The following COPZ1 variants were observed in gnomAD, a reference collection of about 807,000 sequenced individuals.
COPZ1 encodes coat protein complex I subunit zeta 1.
In COPZ1, 4 loss-of-function variants were observed where a neutral mutation model predicts 31.7. That is an observed-to-expected ratio of 0.13 (90% confidence interval 0.06 to 0.29). The LOEUF is 0.29. COPZ1 is among the 10% of genes least tolerant of loss of function. COPZ1 has a pLI of 1.00. For missense variants in COPZ1, 156 were observed against 211.5 expected, an observed-to-expected ratio of 0.74 and a Z score of 1.63; for synonymous variants, 74 against 79.0, an observed-to-expected ratio of 0.94 and a Z score of 0.33.
At chr12:54,333,645 C>T (rs1463241168) in intron 1 of COPZ1, among the ~76,000 whole-genome samples, 1 of 152,070 alleles carries the variant, frequency 6.6e-6, no homozygotes, top group Non-Finnish European at 1.5e-5. Flanking sequence ...TCAGGTCCAG[C>T]CTGGGCAACA....
At chr12:54,337,043 A>T (rs918405335) in intron 1 of COPZ1, among the ~76,000 whole-genome samples, 2 of 143,810 alleles carry the variant, frequency 1.4e-5, no homozygotes, top group African/African-American at 5.0e-5. Context: ...AAAAAAAAAA[A>T]AGAAGCCCCT....
chr12:54,326,391 C>G (rs528993617), intron 1 of COPZ1, among the ~76,000 whole-genome samples: 71 of 148,682 alleles, frequency 4.8e-4, no homozygotes, highest in African/African-American at 1.8e-3. Flanking sequence ...CCACCCGCCT[C>G]GGCCTCCCAA....
At chr12:54,335,472 G>A (rs1002118569) in intron 1 of COPZ1, among the ~76,000 whole-genome samples, 1 of 150,504 alleles carries the variant, frequency 6.6e-6, no homozygotes, top group Non-Finnish European at 1.5e-5. Context: ...GCAGTGGTGC[G>A]ATCTCAGCTC....
At chr12:54,326,315 AT>A (rs759214724) in intron 1 of COPZ1, among the ~76,000 whole-genome samples, 1 of 138,042 alleles carries the variant, frequency 7.2e-6, no homozygotes, top group African/African-American at 2.7e-5. Context: ...AATTTTTTGT[AT>A]TTTTTAGTAG....
chr12:54,342,605 G>A (rs1408169724), intron 3 of COPZ1: 15 of 330,060 alleles, frequency 4.5e-5, no homozygotes, highest in African/African-American at 6.4e-5. Context: ...AAAGGTGACC[G>A]CTCTGCATTT....
At chr12:54,343,470 A>G (rs1421366765) in intron 4 of COPZ1, among the ~76,000 whole-genome samples, 154 bp downstream of exon 4, 1 of 152,202 alleles carries the variant, frequency 6.6e-6, no homozygotes, top group Non-Finnish European at 1.5e-5. Flanking sequence ...CCTCACAAAC[A>G]TGGCCCGGCA....
chr12:54,350,182 C>G, intron 8 of COPZ1: 1 of 684,684 alleles, frequency 1.5e-6, no homozygotes, highest in Non-Finnish European at 2.6e-6. Flanking sequence ...GTTACCCGCC[C>G]CCTGCCCGCC....
chr12:54,335,308 A>G (rs1242724411), intron 1 of COPZ1, among the ~76,000 whole-genome samples: 1 of 152,092 alleles, frequency 6.6e-6, no homozygotes, highest in Non-Finnish European at 1.5e-5. Flanking sequence ...CTTTATAAAC[A>G]GGATTGAGAC....
At chr12:54,326,640 G>GGTGTGTGTGTGTGT (rs71070816) in intron 1 of COPZ1, among the ~76,000 whole-genome samples, 17 of 134,590 alleles carry the variant, frequency 1.3e-4, no homozygotes, top group African/African-American at 3.5e-4. Context: ...GATTTGGAGG[G>GGTGTGTGTGTGTGT]GTGTGTGTGT....
At chr12:54,335,940 A>C (rs1953856227) in intron 1 of COPZ1, among the ~76,000 whole-genome samples, 1 of 152,118 alleles carries the variant, frequency 6.6e-6, no homozygotes, top group African/African-American at 2.4e-5. Context: ...AGCTTCCAAA[A>C]GTGCTAGGAT....
chr12:54,341,595 G>C (rs1477623174), intron 2 of COPZ1, among the ~76,000 whole-genome samples: 3 of 152,318 alleles, frequency 2.0e-5, no homozygotes, highest in Admixed American at 2.0e-4. Context: ...GACTGCGACG[G>C]ATTAGCCCCT....
chr12:54,350,141 G>A (rs1486864822), intron 8 of COPZ1: 1 of 651,904 alleles, frequency 1.5e-6, no homozygotes, highest in African/African-American at 1.8e-5. Context: ...CTACCCACTT[G>A]GAATTCTCAC....
rs748509765 is a variant in COPZ1, at chr12:54,347,787, C to T, written c.338C>T (p.Ala113Val). The T allele has an allele frequency of 1.2e-6, 2 of 1,609,848 alleles. No individual in the cohort carries two copies. Among genetic ancestry groups the T allele is most frequent in the East Asian group, 2.2e-5 (1 of 44,852 alleles). Residue 113 changes from alanine (A) to valine (V), a missense_variant, in exon 6 of 9, where the codon GCA (alanine) becomes GTA (valine). Coordinates refer to ENST00000262061, the MANE Select transcript of COPZ1 (RefSeq NM_016057.3). ...CTCAGGAAAAATGTAGAAAAGCGAG[C>T]ACTGCTGGAGAACATGGAGGGGCTG... is the stretch of plus-strand genomic sequence containing the variant. ...QMLRKNVEKR[A>V]LLENMEGLFL...
intron 4 of COPZ1, among the ~76,000 whole-genome samples, chr12:54,343,775 C>T (rs1954013209): frequency 6.6e-6 from 1 of 152,116 alleles, no homozygotes; most frequent in Non-Finnish European, 1.5e-5. Context: ...AAGCTGTTTG[C>T]CTCAGATAGC....
At chr12:54,340,249 C>T in intron 1 of COPZ1, 1 of 456,960 alleles carries the variant, frequency 2.2e-6, no homozygotes, top group Non-Finnish European at 3.8e-6. Context: ...AATAACTGTA[C>T]CATAATATTT....
At chr12:54,337,263 G>T (rs1329797038) in intron 1 of COPZ1, 3 of 534,636 alleles carry the variant, frequency 5.6e-6, no homozygotes, top group Non-Finnish European at 1.2e-5. Context: ...CACTCAGGCT[G>T]TGGCTCTCTG....
intron 1 of COPZ1, among the ~76,000 whole-genome samples, chr12:54,326,163 G>A (rs1468696460): frequency 3.4e-5 from 4 of 116,932 alleles, no homozygotes; most frequent in Non-Finnish European, 3.7e-5. Context: ...TTTTTGAGAC[G>A]GAGTCTCACT....
At chr12:54,335,106 G>A (rs1320012813) in intron 1 of COPZ1, among the ~76,000 whole-genome samples, 5 of 151,276 alleles carry the variant, frequency 3.3e-5, no homozygotes, top group Non-Finnish European at 7.4e-5. Context: ...CCCAGGAGGC[G>A]GAGGTTGCAG....
chr12:54,326,322 A>G (rs1953642041), intron 1 of COPZ1, among the ~76,000 whole-genome samples: 1 of 147,174 alleles, frequency 6.8e-6, no homozygotes, highest in Admixed American at 7.0e-5. Flanking sequence ...TGTATTTTTT[A>G]GTAGAGACGG....
Sources: allele counts gnomAD v4.1 joint callset (sites outside exome capture counted in the v4.1 genomes callset), GRCh38; gene constraint gnomAD v4.1.1; transcripts MANE v1.5; gene names NCBI Gene and HGNC (gene_info 2026-07-23, HGNC 2026-07-21).